Variants in PKD1L3 observed in about 807,000 individuals in gnomAD.
PKD1L3 encodes the protein polycystin-1-like protein 3.
A neutral mutation model predicts 184.1 loss-of-function variants in PKD1L3; 239 were observed. The ratio of observed to expected loss-of-function variants is 1.30; its 90% CI spans 1.17 to 1.45. The LOEUF is 1.45. Ranked by LOEUF, PKD1L3 falls within the 40% of genes most tolerant of loss-of-function variation. The pLI is 0.00. For missense variants in PKD1L3, 2,660 were observed against 2,067.2 expected (o/e 1.29, Z -5.56); for synonymous variants, 996 against 778.8 (o/e 1.28, Z -4.64).
intron 17 of PKD1L3, among the ~76,000 whole-genome samples, chr16:71,953,564 G>A (rs1171750432): frequency 6.6e-6 from 1 of 152,196 alleles, no homozygotes; most frequent in Non-Finnish European, 1.5e-5. Flanking sequence ...CATCTTACAT[G>A]GTGGCAGAAG....
rs551065241 is a variant in PKD1L3, at chr16:71,938,068, A to G, written c.4325-649T>C. 5.8e-4 allele frequency among the ~76,000 whole-genome samples: 89 copies of G among 152,224 alleles called. 2 individuals carry two copies. The highest frequency in any genetic ancestry group is 5.4e-3 in the South Asian group (26 of 4,824). On this transcript the variant is annotated intron_variant, in intron 24 of 29. Coordinates refer to ENST00000620267, the MANE Select transcript of PKD1L3 (RefSeq NM_181536.2). ...TCTGAGTTGGAGGGTTGGGAGCCCC[A>G]CACTCCTGGGCAGAGCTGCAGCTGC...
Position 71,963,303 on chromosome 16 carries a change from C to T in PKD1L3, c.2514G>A (p.Trp838Ter). ...CCAGCCAGCAATTGCACAGGAAATGCCACTTCCTCTTAACTGCCATGTCAC... is the reference window on the plus strand; with the variant it reads ...CCAGCCAGCAATTGCACAGGAAATGTCACTTCCTCTTAACTGCCATGTCAC... ...IVCDMAVKRK[W>*]HFLCNCWLAV... The change falls in exon 16 of 30, where the codon TGG (tryptophan) becomes TGA (stop). Residue 838 changes from tryptophan (W) to a stop codon, truncating the protein, a stop_gained. Transcript: ENST00000620267. LOFTEE classifies it high-confidence loss of function. 6.4e-7 allele frequency: 1 copy of T among 1,551,250 alleles called. No individual in the cohort carries two copies. The highest frequency in any genetic ancestry group is 2.4e-5 in the East Asian group (1 of 40,910).
chr16:71,963,501 G>A (rs2143536531), intron 15 of PKD1L3, 150 bp from the exon 16 acceptor site: 1 of 856,778 alleles, frequency 1.2e-6, no homozygotes. Context: ...GAAAGTTGAG[G>A]CCAGACATGG....
intron 16 of PKD1L3, among the ~76,000 whole-genome samples, chr16:71,961,828 G>A (rs1486930793): frequency 2.0e-5 from 3 of 152,174 alleles, no homozygotes; most frequent in Non-Finnish European, 4.4e-5. Flanking sequence ...TGCCGCAATT[G>A]TAATTGGAGC....
chr16:71,963,487 G>C, intron 15 of PKD1L3, 136 bp from the exon 16 acceptor site: 1 of 1,001,510 alleles, frequency 1.0e-6, no homozygotes, highest in Non-Finnish European at 1.4e-6. Flanking sequence ...CTAAGGAAAG[G>C]AAAGAAAGTT....
intron 26 of PKD1L3, among the ~76,000 whole-genome samples, chr16:71,935,052 A>T (rs1487454904): frequency 6.6e-6 from 1 of 152,270 alleles, no homozygotes; most frequent in Non-Finnish European, 1.5e-5. Flanking sequence ...GTCGTGCGTT[A>T]GGCTTTATGC....
At chr16:71,973,033 T>C (rs906642344) in intron 12 of PKD1L3, among the ~76,000 whole-genome samples, 1 of 152,230 alleles carries the variant, frequency 6.6e-6, no homozygotes. Flanking sequence ...TTAATACTTG[T>C]AGAATTTTAT....
chr16:71,940,366 G>A (rs1395381716), intron 24 of PKD1L3, among the ~76,000 whole-genome samples: 6 of 152,044 alleles, frequency 3.9e-5, no homozygotes, highest in Admixed American at 1.3e-4. Context: ...CCCTCAACTT[G>A]CTCTGATAAG....
Position 71,967,905 on chromosome 16 carries a change from C to T in PKD1L3, c.2286+1G>A. ...ATGTGAAAAACATTTATTTCATTAA[C>T]CTTAGCTGTTGTAGCAGCGCTTCTT... is the stretch of plus-strand genomic sequence containing the variant. On this transcript the variant is annotated splice_donor_variant, in intron 14 of 29. Coordinates refer to ENST00000620267, the MANE Select transcript of PKD1L3 (RefSeq NM_181536.2). LOFTEE classifies it high-confidence loss of function. 6.5e-7 allele frequency: 1 copy of T among 1,547,378 alleles called. No individual in the cohort carries two copies. Among genetic ancestry groups the T allele is most frequent in the Non-Finnish European group, 8.7e-7 (1 of 1,143,316 alleles).
chr16:71,956,562 T>C (rs535778365), intron 16 of PKD1L3, among the ~76,000 whole-genome samples: 63 of 152,232 alleles, frequency 4.1e-4, no homozygotes, highest in African/African-American at 1.2e-3. Context: ...ATAAATGAAA[T>C]AAGCCAGTCA....
chr16:71,983,069 T>C (rs994450321), intron 6 of PKD1L3, among the ~76,000 whole-genome samples: 1 of 152,202 alleles, frequency 6.6e-6, no homozygotes, highest in Non-Finnish European at 1.5e-5. Flanking sequence ...ACAATTCTTT[T>C]TGAGTGGTGA....
chr16:71,968,442 AC>A (rs2039582901), intron 13 of PKD1L3, among the ~76,000 whole-genome samples: 1 of 152,160 alleles, frequency 6.6e-6, no homozygotes, highest in Non-Finnish European at 1.5e-5. Context: ...AATGCTGACA[AC>A]CCTACACCCA....
In PKD1L3 at chr16:71,935,280, T is replaced by A. The variant is rs140319554; in HGVS notation, c.4613+78A>T. On this transcript the variant is annotated intron_variant, in intron 26 of 29. Transcript: ENST00000620267. ...GCAAATACAGATCTGGTAGGGGAGT[T>A]TGAAGAATACTTGTGTATAAACAGG... is the stretch of plus-strand genomic sequence containing the variant. The A allele has an allele frequency of 1.5e-4, 213 of 1,399,964 alleles. 2 individuals carry two copies. The African/African-American group carries it at 2.5e-3, about 16-fold the overall frequency. 86.7% of individuals were successfully genotyped at this position (1,399,964 alleles called of 1,614,324 possible).
intron 3 of PKD1L3, among the ~76,000 whole-genome samples, chr16:71,991,992 A>G (rs924511816): frequency 1.3e-5 from 2 of 152,082 alleles, no homozygotes; most frequent in Admixed American, 6.6e-5. Context: ...TTTATTTTTA[A>G]AAGTTTTTTG....
chr16:71,937,307 G>A lies in PKD1L3; in HGVS notation c.4437C>T (p.Tyr1479=), dbSNP rs1447535990. 1 of 1,551,432 alleles carries A rather than the reference G, an allele frequency of 6.4e-7. No homozygotes were observed. Residue 1479 remains tyrosine (Y), a synonymous_variant, in exon 25 of 30, where the codon TAC becomes TAT. Coordinates refer to ENST00000620267, the MANE Select transcript of PKD1L3 (RefSeq NM_181536.2). The part of the protein sequence containing the change: ...SQVIYYLLVC[Y]YAFIQGCQLK... ...ATTGACTCACCTGTATGAAGGCATAGTAACAGACCAGTAGATAATAGATGA... is the reference window on the plus strand; with the variant it reads ...ATTGACTCACCTGTATGAAGGCATAATAACAGACCAGTAGATAATAGATGA...
At position 71,977,557 on chromosome 16, in the gene PKD1L3, G is replaced by GGTTTTC. The variant is rs139541803; in HGVS notation, c.1528-91_1528-90insGAAAAC. 7.3e-5 allele frequency: 49 copies of GGTTTTC among 672,258 alleles called. 2 individuals carry two copies. The highest frequency in any genetic ancestry group is 1.8e-4 in the South Asian group (8 of 45,472). The allele number at this position is 672,258 out of a possible 1,614,324, so 41.6% of individuals were successfully genotyped here. A position where few individuals can be genotyped will look rare whatever the true frequency, so the allele number is the denominator to read the frequency against. ...ATTGATAAGGTAAGGAAACGTCCTA[G>GGTTTTC]CTCTTTTTTTTTTTTTTTTTTTTGA... On this transcript the variant is annotated intron_variant, in intron 10 of 29. Coordinates refer to ENST00000620267, the MANE Select transcript of PKD1L3 (RefSeq NM_181536.2).
At chr16:71,946,288 G>A (rs1003583355) in intron 22 of PKD1L3, among the ~76,000 whole-genome samples, 2 of 151,894 alleles carry the variant, frequency 1.3e-5, no homozygotes, top group Non-Finnish European at 1.5e-5. Context: ...CCAACATAAA[G>A]TGTGCTGTGT....
Position 71,977,428 on chromosome 16 carries a change from T to C in PKD1L3, c.1567A>G (p.Thr523Ala). 3 of 1,551,514 alleles carry C rather than the reference T, an allele frequency of 1.9e-6. No homozygotes were observed. The highest frequency in any genetic ancestry group is 2.6e-6 in the Non-Finnish European group (3 of 1,146,848). Residue 523 changes from threonine to alanine, a missense_variant, in exon 11 of 30, where the codon ACC becomes GCC. Coordinates refer to ENST00000620267, the MANE Select transcript of PKD1L3 (RefSeq NM_181536.2). Reference sequence around the variant, plus strand: ...TGATGTGTGCTCATGTTGAGGCTGGTGGGATGGGTTTCCAAGCTAACATTT... The same window carrying C: ...TGATGTGTGCTCATGTTGAGGCTGGCGGGATGGGTTTCCAAGCTAACATTT... ...WRNVSLETHP[T>A]SLNMSTHQLT...
At chr16:71,978,025 C>T (rs955567380) in intron 10 of PKD1L3, among the ~76,000 whole-genome samples, 1 of 152,132 alleles carries the variant, frequency 6.6e-6, no homozygotes, top group Admixed American at 6.5e-5. Flanking sequence ...CTGCCTGCCT[C>T]AGCCTCCCAA....
Sources: allele counts gnomAD v4.1 joint callset (sites outside exome capture counted in the v4.1 genomes callset), GRCh38; gene constraint gnomAD v4.1.1; transcripts MANE v1.5; gene names NCBI Gene and HGNC (gene_info 2026-07-23, HGNC 2026-07-21).